Variants in NR3C2 observed in about 807,000 individuals in gnomAD.
The protein encoded by NR3C2 is mineralocorticoid receptor.
A neutral mutation model predicts 86.4 loss-of-function variants in NR3C2; 15 were observed. The observed-to-expected ratio is 0.17, with a 90% CI of 0.12 to 0.27. The LOEUF (loss-of-function observed/expected upper bound fraction) is 0.27, where lower values mean the gene tolerates loss of function less well. NR3C2 is among the 10% of genes least tolerant of loss of function. The probability of loss-of-function intolerance (pLI) is 1.00; values close to 1 mark genes in which losing one functional copy is unlikely to be tolerated. For missense variants in NR3C2, 960 were observed against 1,195.6 expected (o/e 0.80, Z 2.91); for synonymous variants, 458 against 450.5 (o/e 1.02, Z -0.21).
At chr4:148,411,534 A>G (rs1302128946) in intron 2 of NR3C2, among the ~76,000 whole-genome samples, 1 of 152,206 alleles carries the variant, frequency 6.6e-6, no homozygotes, top group Non-Finnish European at 1.5e-5. Flanking sequence ...TGCACACATA[A>G]ACAAATGGAC....
chr4:148,241,987 G>C (rs183843695), intron 3 of NR3C2, among the ~76,000 whole-genome samples: 38 of 152,250 alleles, frequency 2.5e-4, no homozygotes, highest in Non-Finnish European at 4.0e-4. Context: ...TAGGTACCTA[G>C]AGAAGTCAAA....
chr4:148,104,246 C>T (rs1213340314), intron 8 of NR3C2, among the ~76,000 whole-genome samples: 1 of 151,662 alleles, frequency 6.6e-6, no homozygotes, highest in East Asian at 1.9e-4. Flanking sequence ...TAAGATCTCC[C>T]ATGTCAGTTA....
At chr4:148,287,149 A>C (rs1741564937) in intron 2 of NR3C2, among the ~76,000 whole-genome samples, 1 of 152,176 alleles carries the variant, frequency 6.6e-6, no homozygotes, top group South Asian at 2.1e-4. Flanking sequence ...CATGGAAACC[A>C]CTTTTTTTCT....
chr4:148,321,653 G>C (rs1328513662), intron 2 of NR3C2, among the ~76,000 whole-genome samples: 2 of 151,962 alleles, frequency 1.3e-5, no homozygotes, highest in Non-Finnish European at 2.9e-5. Flanking sequence ...TGTCTCTTTT[G>C]ATCTTTGTTG....
chr4:148,118,001 G>A (rs1183060095), intron 7 of NR3C2, among the ~76,000 whole-genome samples: 2 of 152,124 alleles, frequency 1.3e-5, no homozygotes, highest in African/African-American at 4.8e-5. Context: ...TTTCCTCAGT[G>A]GCCATTTCAT....
intron 2 of NR3C2, among the ~76,000 whole-genome samples, chr4:148,293,753 T>C (rs1293117800): frequency 1.3e-5 from 2 of 152,190 alleles, no homozygotes; most frequent in Non-Finnish European, 2.9e-5. Context: ...TCACTGCTTC[T>C]AAGGGTGGAA....
At chr4:148,403,450 T>C (rs72658622) in intron 2 of NR3C2, among the ~76,000 whole-genome samples, 12 of 152,006 alleles carry the variant, frequency 7.9e-5, no homozygotes, top group Non-Finnish European at 1.8e-4. Flanking sequence ...ATCAAGCCCA[T>C]AGAAAAATAC....
intron 2 of NR3C2, among the ~76,000 whole-genome samples, chr4:148,416,766 G>A (rs1749022116): frequency 6.6e-6 from 1 of 151,974 alleles, no homozygotes; most frequent in Admixed American, 6.6e-5. Context: ...CACTCCATAT[G>A]TATTTGCTTT....
At chr4:148,105,317 C>A (rs913890246) in intron 8 of NR3C2, among the ~76,000 whole-genome samples, 3 of 152,170 alleles carry the variant, frequency 2.0e-5, no homozygotes, top group African/African-American at 7.2e-5. Flanking sequence ...GACACATATA[C>A]CTTCTCAAGA....
At chr4:148,423,925 C>G (rs994898350) in intron 2 of NR3C2, among the ~76,000 whole-genome samples, 1 of 152,192 alleles carries the variant, frequency 6.6e-6, no homozygotes, top group African/African-American at 2.4e-5. Context: ...GTTGGCCAAA[C>G]TGGTCTCAAA....
intron 6 of NR3C2, among the ~76,000 whole-genome samples, chr4:148,143,783 T>TA (rs200464846): frequency 0.025 from 3,808 of 151,432 alleles, 151 homozygotes; most frequent in African/African-American, 0.088. Flanking sequence ...CCATCTCTAC[T>TA]AAAAAAATAC....
At chr4:148,254,122 T>C (rs568706801) in intron 3 of NR3C2, among the ~76,000 whole-genome samples, 3 of 152,076 alleles carry the variant, frequency 2.0e-5, no homozygotes, top group Admixed American at 6.6e-5. Flanking sequence ...TCTAGGTCCA[T>C]CCTAGGTCAT....
chr4:148,132,520 A>G (rs2149744000), intron 6 of NR3C2, among the ~76,000 whole-genome samples: 1 of 152,362 alleles, frequency 6.6e-6, no homozygotes, highest in East Asian at 1.9e-4. Context: ...CTTAATTCTT[A>G]CTAGAAGAGC....
intron 4 of NR3C2, among the ~76,000 whole-genome samples, chr4:148,174,860 C>G (rs1470308027): frequency 6.6e-6 from 1 of 152,146 alleles, no homozygotes; most frequent in Admixed American, 6.5e-5. Context: ...TCCTCTCCAA[C>G]GATATCGGAC....
chr4:148,257,631 T>C (rs1234605791), intron 3 of NR3C2, among the ~76,000 whole-genome samples: 4 of 152,064 alleles, frequency 2.6e-5, no homozygotes, highest in African/African-American at 9.7e-5. Context: ...ACAAATATTA[T>C]AAAGTTTTAT....
intron 4 of NR3C2, among the ~76,000 whole-genome samples, chr4:148,176,010 T>A (rs111526355): frequency 2.2e-4 from 33 of 152,320 alleles, no homozygotes; most frequent in African/African-American, 7.7e-4. Context: ...TTTAAATTGT[T>A]CATAAAGCTT....
chr4:148,237,141 G>A (rs1738785753), intron 3 of NR3C2, among the ~76,000 whole-genome samples: 1 of 152,160 alleles, frequency 6.6e-6, no homozygotes, highest in Admixed American at 6.5e-5. Context: ...TTCATCAAAT[G>A]AGAATTATGA....
intron 2 of NR3C2, among the ~76,000 whole-genome samples, chr4:148,391,682 C>A (rs1212732038): frequency 6.6e-6 from 1 of 151,998 alleles, no homozygotes; most frequent in Non-Finnish European, 1.5e-5. Flanking sequence ...GCCTGGCCAA[C>A]ATGGTGAAAC....
intron 8 of NR3C2, among the ~76,000 whole-genome samples, chr4:148,113,785 G>A (rs1435035664): frequency 6.6e-6 from 1 of 152,126 alleles, no homozygotes; most frequent in Non-Finnish European, 1.5e-5. Flanking sequence ...GTCGTCCAGG[G>A]GATCGAGGCC....
Sources: gnomAD v4.1 joint callset for allele counts (sites outside exome capture counted in the v4.1 genomes callset) on GRCh38, gnomAD v4.1.1 for gene constraint, MANE v1.5 for transcripts, NCBI Gene and HGNC (gene_info 2026-07-23, HGNC 2026-07-21) for gene names.